Variants in MRRF observed in about 807,000 individuals in gnomAD.
The protein encoded by MRRF is mitochondrial ribosome recycling factor, also known as ribosome-recycling factor, mitochondrial.
A neutral mutation model predicts 25.1 loss-of-function variants in MRRF; 18 were observed. The ratio of observed to expected loss-of-function variants is 0.72; its 90% CI spans 0.50 to 1.06. The LOEUF (loss-of-function observed/expected upper bound fraction) is 1.06, where lower values mean the gene tolerates loss of function less well. Ranked by LOEUF, MRRF falls within the 50% of genes least tolerant of loss-of-function variation. The probability of loss-of-function intolerance (pLI) is 0.00; values close to 1 mark genes in which losing one functional copy is unlikely to be tolerated. For synonymous variants in MRRF, 113 were observed against 112.1 expected (o/e 1.01, Z -0.05); for missense variants, 323 against 319.3 (o/e 1.01, Z -0.09).
intron 1 of MRRF, chr9:122,265,588 C>G: frequency 2.6e-6 from 1 of 386,846 alleles, no homozygotes; most frequent in South Asian, 2.0e-5. Flanking sequence ...TGTTGCATTT[C>G]CCCCCATTTT....
In MRRF at chr9:122,327,384, CAA is replaced by C. The variant is rs759637114; in HGVS notation, c.*4769_*4770del. The C allele has an allele frequency of 7.2e-5, 11 of 152,158 alleles. No homozygotes were observed. The highest frequency in any genetic ancestry group is 1.9e-4 in the African/African-American group (8 of 41,428). The allele number at this position is 152,158 out of a possible 1,614,324, so 9.4% of individuals were successfully genotyped here. A position where few individuals can be genotyped will look rare whatever the true frequency, so the allele number is the denominator to read the frequency against. ...CACTCAGTGAAACTTTGCGGTTAGA[CAA>C]AGAGTGATCATAAAAGCTTGTATCC... is the stretch of plus-strand genomic sequence containing the variant. On this transcript the variant is annotated 3_prime_UTR_variant, in exon 7 of 7. Coordinates refer to ENST00000344641, the MANE Select transcript of MRRF (RefSeq NM_138777.5).
intron 5 of MRRF, among the ~76,000 whole-genome samples, chr9:122,311,888 C>T (rs1835226713): frequency 6.6e-6 from 1 of 152,152 alleles, no homozygotes. Context: ...TTTTAATTTT[C>T]CTGTTCCTTC....
Position 122,313,326 on chromosome 9 carries a change from C to T in MRRF, c.651C>T (p.Asn217=). The change falls in exon 6 of 7, where the codon AAC becomes AAT. Residue 217 remains asparagine (N), a synonymous_variant. Transcript: ENST00000344641. ...SLRKVRTNSM[N]KLKKSKDTVS... is the part of the protein sequence containing the mutation. ...GGAAGGTTCGCACCAACTCAATGAA[C>T]AAGCTGAAGAAATCCAAGGATACAG... 2 of 1,614,114 alleles carry T rather than the reference C, an allele frequency of 1.2e-6. No homozygotes were observed. The highest frequency in any genetic ancestry group is 2.7e-5 in the African/African-American group (2 of 75,040).
chr9:122,265,867 T>C (rs1247067035), intron 1 of MRRF: 2 of 708,340 alleles, frequency 2.8e-6, no homozygotes, highest in Admixed American at 2.3e-5. Flanking sequence ...TCTTTGGCCG[T>C]GCCAGGTGCA....
In MRRF at chr9:122,328,658, T is replaced by C. The variant is rs1836202878; in HGVS notation, c.*6041T>C. ...CATTTACATTTATTTATAATAGTGA[T>C]ATGTTTAGTAGAACCCATTTACTTT... On this transcript the variant is annotated 3_prime_UTR_variant, in exon 7 of 7. Coordinates refer to ENST00000344641, the MANE Select transcript of MRRF (RefSeq NM_138777.5). 1 of 152,232 alleles carries C rather than the reference T, an allele frequency of 6.6e-6. No individual in the cohort carries two copies. The highest frequency in any genetic ancestry group is 2.1e-4 in the South Asian group (1 of 4,836). The allele number at this position is 152,232 out of a possible 1,614,324, so 9.4% of individuals were successfully genotyped here. A position where few individuals can be genotyped will look rare whatever the true frequency, so the allele number is the denominator to read the frequency against.
rs117157351 is a variant in MRRF, at chr9:122,315,917, C to T, written c.711+2531C>T. Among the ~76,000 whole-genome samples, 139 of 152,290 alleles carry T rather than the reference C, an allele frequency of 9.1e-4. No homozygotes were observed. The East Asian group carries it at 0.024, about 26-fold the overall frequency. The stretch of plus-strand genomic sequence containing the variant: ...ACAAAGACCTTGCTGGAAGCCTTCA[C>T]TCATTAGCACTGGCTTTTCGCCATC... On this transcript the variant is annotated intron_variant, in intron 6 of 6. Transcript: ENST00000344641.
chr9:122,274,798 T>C (rs951418860), intron 2 of MRRF, among the ~76,000 whole-genome samples: 2 of 151,966 alleles, frequency 1.3e-5, no homozygotes, highest in Non-Finnish European at 2.9e-5. Flanking sequence ...TGCATCTACT[T>C]TCTTCTTTTC....
intron 6 of MRRF, 67 bp from the exon 7 acceptor site, chr9:122,322,473 G>T (rs773772005): frequency 7.2e-6 from 10 of 1,382,290 alleles, no homozygotes; most frequent in Non-Finnish European, 1.0e-5. Flanking sequence ...TCATGTTTCT[G>T]GAATATTCAT....
intron 6 of MRRF, among the ~76,000 whole-genome samples, chr9:122,314,423 A>T (rs1384811420): frequency 6.6e-6 from 1 of 152,224 alleles, no homozygotes; most frequent in Non-Finnish European, 1.5e-5. Context: ...GCCAAGCTCA[A>T]TATGTTTGGT....
Position 122,310,792 on chromosome 9 carries a change from A to G in MRRF, c.552-2435A>G, listed in dbSNP as rs141609176. Among the ~76,000 whole-genome samples the G allele has an allele frequency of 3.3e-5, 5 of 152,378 alleles. No homozygotes were observed. In the East Asian group the frequency reaches 5.8e-4, roughly 18 times the overall value. ...TACTCAGAACTAACCAGCTGAGTTC[A>G]GAAGCCTGGAATACAAACTCTAGTG... On this transcript the variant is annotated intron_variant, in intron 5 of 6. Transcript: ENST00000344641.
intron 6 of MRRF, among the ~76,000 whole-genome samples, chr9:122,317,117 T>C (rs887701810): frequency 4.6e-5 from 7 of 151,314 alleles, no homozygotes; most frequent in African/African-American, 1.7e-4. Flanking sequence ...TTCCTTAGAA[T>C]AGACTGGAAC....
chr9:122,325,631 G>GGTGTGTGTGTGTGTGTGTGTGTGT lies in MRRF; in HGVS notation c.*3045_*3068dup, dbSNP rs35981240. 1.6e-4 allele frequency: 19 copies of GGTGTGTGTGTGTGTGTGTGTGTGT among 116,628 alleles called. No homozygotes were observed. Among genetic ancestry groups the GGTGTGTGTGTGTGTGTGTGTGTGT allele is most frequent in the African/African-American group, 4.1e-4 (12 of 29,052 alleles). 7.2% of individuals were successfully genotyped at this position (116,628 alleles called of 1,614,324 possible). On this transcript the variant is annotated 3_prime_UTR_variant, in exon 7 of 7. Coordinates refer to ENST00000344641, the MANE Select transcript of MRRF (RefSeq NM_138777.5). Reference sequence around the variant, plus strand: ...GAATTTGAGAATTTTTTTCCTGTCTGGTGTGTGTGTGTGTGTGTGTGTGTG... The same window carrying GGTGTGTGTGTGTGTGTGTGTGTGT: ...GAATTTGAGAATTTTTTTCCTGTCTGGTGTGTGTGTGTGTGTGTGTGTGTGTGTGTGTGTGTGTGTGTGTGTGTG...
intron 2 of MRRF, among the ~76,000 whole-genome samples, chr9:122,278,711 G>A (rs1395887709): frequency 5.9e-5 from 9 of 152,120 alleles, no homozygotes; most frequent in Admixed American, 1.3e-4. Flanking sequence ...GGCTTCTGTT[G>A]TTGCTCTTGG....
In MRRF at chr9:122,323,988, C is replaced by G. The variant is rs1420395561; in HGVS notation, c.*1371C>G. ...AAAACAAACTTTTTTTCCTTTTGTACTTTCACACTCAACATGGAACACTTC... is the reference window on the plus strand; with the variant it reads ...AAAACAAACTTTTTTTCCTTTTGTAGTTTCACACTCAACATGGAACACTTC... On this transcript the variant is annotated 3_prime_UTR_variant, in exon 7 of 7. Transcript: ENST00000344641. 1.3e-5 allele frequency: 2 copies of G among 152,168 alleles called. No individual in the cohort carries two copies. The highest frequency in any genetic ancestry group is 4.8e-5 in the African/African-American group (2 of 41,424). The allele number at this position is 152,168 out of a possible 1,614,324, so 9.4% of individuals were successfully genotyped here. A position where few individuals can be genotyped will look rare whatever the true frequency, so the allele number is the denominator to read the frequency against.
chr9:122,309,372 C>A (rs969136216), intron 5 of MRRF, among the ~76,000 whole-genome samples: 1 of 152,126 alleles, frequency 6.6e-6, no homozygotes, highest in Non-Finnish European at 1.5e-5. Flanking sequence ...GCCTCTCCAC[C>A]CTTCTCTTTT....
intron 5 of MRRF, among the ~76,000 whole-genome samples, chr9:122,305,752 CTTAA>C (rs1178140350): frequency 1.3e-5 from 2 of 152,182 alleles, no homozygotes; most frequent in East Asian, 1.9e-4. Flanking sequence ...ACTTTATCTA[CTTAA>C]TTGTTTACTG....
chr9:122,304,142 G>A (rs1834674886), intron 5 of MRRF, among the ~76,000 whole-genome samples: 1 of 151,166 alleles, frequency 6.6e-6, no homozygotes, highest in Admixed American at 6.6e-5. Context: ...AAAGATGAAT[G>A]CCTCATGACC....
At chr9:122,316,589 C>A (rs1835543948) in intron 6 of MRRF, among the ~76,000 whole-genome samples, 1 of 151,832 alleles carries the variant, frequency 6.6e-6, no homozygotes, top group South Asian at 2.1e-4. Flanking sequence ...TCAGAAGGCC[C>A]CAGACTGGAA....
At chr9:122,266,493 G>C (rs1309029307) in intron 1 of MRRF, among the ~76,000 whole-genome samples, 3 of 152,206 alleles carry the variant, frequency 2.0e-5, no homozygotes, top group African/African-American at 7.2e-5. Flanking sequence ...CTGGAGAAGT[G>C]AAAGATCACT....
Sources: gnomAD v4.1 joint callset for allele counts (sites outside exome capture counted in the v4.1 genomes callset) on GRCh38, gnomAD v4.1.1 for gene constraint, MANE v1.5 for transcripts, NCBI Gene and HGNC (gene_info 2026-07-23, HGNC 2026-07-21) for gene names.